RASSF6: variants seen among roughly 807,000 people sequenced by gnomAD.
The protein encoded by RASSF6 is ras association domain-containing protein 6.
A neutral mutation model predicts 44.0 loss-of-function variants in RASSF6; 52 were observed. The observed-to-expected ratio is 1.18, with a 90% confidence interval of 0.95 to 1.49. The LOEUF is 1.49. RASSF6 is among the 40% of genes most tolerant of loss of function. The pLI is 0.00. For synonymous variants in RASSF6, 162 were observed against 124.6 expected (o/e 1.30, Z -2.00); for missense variants, 464 against 393.3 (o/e 1.18, Z -1.52).
At chr4:73,616,427 T>G (rs1490104840) in intron 1 of RASSF6, among the ~76,000 whole-genome samples, 1 of 152,154 alleles carries the variant, frequency 6.6e-6, no homozygotes. Flanking sequence ...ACTAGGTCCT[T>G]TAGGACAGAA....
chr4:73,587,730 G>T, intron 5 of RASSF6, 110 bp downstream of exon 5: 1 of 565,958 alleles, frequency 1.8e-6, no homozygotes, highest in Non-Finnish European at 3.1e-6. Context: ...TAAAACAAGA[G>T]TTTATTGTGT....
At chr4:73,591,753 T>C (rs1322173551) in intron 4 of RASSF6, among the ~76,000 whole-genome samples, 1 of 151,966 alleles carries the variant, frequency 6.6e-6, no homozygotes, top group Non-Finnish European at 1.5e-5. Context: ...GACTAAGTAG[T>C]GACAACAAAG....
chr4:73,611,625 A>T, intron 2 of RASSF6, 106 bp downstream of exon 2: 1 of 635,134 alleles, frequency 1.6e-6, no homozygotes, highest in South Asian at 2.5e-5. Flanking sequence ...CTGATGATTC[A>T]TATTATTGAT....
chr4:73,586,622 A>T (rs1269041028), intron 5 of RASSF6, among the ~76,000 whole-genome samples: 1 of 151,972 alleles, frequency 6.6e-6, no homozygotes, highest in East Asian at 1.9e-4. Context: ...ATTTTAAAAA[A>T]TTTTCTACTG....
Position 73,576,460 on chromosome 4 carries a change from A to C in RASSF6, c.888T>G (p.Leu296=), listed in dbSNP as rs777890253. 1.3e-6 allele frequency: 2 copies of C among 1,585,804 alleles called. No homozygotes were observed. Among genetic ancestry groups the C allele is most frequent in the Non-Finnish European group, 1.7e-6 (2 of 1,163,526 alleles). Residue 296 remains leucine (L), a synonymous_variant, in exon 10 of 11, where the codon CTT becomes CTG. Transcript: ENST00000307439. ...NFHFSLLESI[L]QRLNEEEKRE... ...TTTTCTCTTCTTCATTTAATCTTTGAAGAATGGATTCCAAGAGAGAAAAGT... is the reference window on the plus strand; with the variant it reads ...TTTTCTCTTCTTCATTTAATCTTTGCAGAATGGATTCCAAGAGAGAAAAGT...
At chr4:73,581,909 T>G in intron 7 of RASSF6, 41 bp from the exon 8 acceptor site, 2 of 1,509,268 alleles carry the variant, frequency 1.3e-6, no homozygotes, top group African/African-American at 1.4e-5. Flanking sequence ...TTCTTTGTTG[T>G]TATATGATGT....
intron 3 of RASSF6, among the ~76,000 whole-genome samples, chr4:73,596,636 A>G (rs1250874306): frequency 6.6e-6 from 1 of 152,242 alleles, no homozygotes; most frequent in African/African-American, 2.4e-5. Context: ...TTTAAAATTC[A>G]TATGAATCCA....
intron 2 of RASSF6, among the ~76,000 whole-genome samples, chr4:73,608,609 C>A (rs1725806529): frequency 6.6e-6 from 1 of 152,166 alleles, no homozygotes; most frequent in Admixed American, 6.5e-5. Flanking sequence ...AAAGTAGATG[C>A]TCCTAAATAT....
At chr4:73,599,368 CCG>C (rs1725137398) in intron 2 of RASSF6, among the ~76,000 whole-genome samples, 1 of 152,192 alleles carries the variant, frequency 6.6e-6, no homozygotes, top group South Asian at 2.1e-4. Flanking sequence ...CTGACAATGG[CCG>C]ACTTTGGCCA....
At chr4:73,583,528 T>C (rs982035377) in intron 6 of RASSF6, among the ~76,000 whole-genome samples, 1 of 152,110 alleles carries the variant, frequency 6.6e-6, no homozygotes, top group Non-Finnish European at 1.5e-5. Flanking sequence ...AGGGGCTTCA[T>C]AGTATAAAAA....
chr4:73,598,629 A>C lies in RASSF6; in HGVS notation c.144+11T>G. ...GAATAACACCGGATTGCCTTTCTTCAGTGGGCTTACCTCTCCATATAAAAT... is the reference window on the plus strand; with the variant it reads ...GAATAACACCGGATTGCCTTTCTTCCGTGGGCTTACCTCTCCATATAAAAT... On this transcript the variant is annotated intron_variant, in intron 3 of 10. Transcript: ENST00000307439. 1 of 1,463,620 alleles carries C rather than the reference A, an allele frequency of 6.8e-7. No individual in the cohort carries two copies. Among genetic ancestry groups the C allele is most frequent in the Non-Finnish European group, 9.4e-7 (1 of 1,060,288 alleles). 90.7% of individuals were successfully genotyped at this position (1,463,620 alleles called of 1,614,324 possible).
At chr4:73,586,549 T>A (rs1401607377) in intron 5 of RASSF6, among the ~76,000 whole-genome samples, 1 of 151,982 alleles carries the variant, frequency 6.6e-6, no homozygotes, top group Non-Finnish European at 1.5e-5. Flanking sequence ...TTTCCTCTCC[T>A]ATGCATATTC....
At chr4:73,616,769 C>T (rs755722358) in intron 1 of RASSF6, among the ~76,000 whole-genome samples, 4 of 152,096 alleles carry the variant, frequency 2.6e-5, no homozygotes, top group African/African-American at 7.2e-5. Flanking sequence ...GCTGTACACA[C>T]GGAGAGTCTT....
In RASSF6 at chr4:73,576,681, G is replaced by C. The variant is rs146894207; in HGVS notation, c.772C>G (p.Gln258Glu). ...TDIPLLQRLL[Q>E]GPSEKNARIF... The stretch of plus-strand genomic sequence containing the variant: ...CGAGCATTCTTTTCAGAAGGTCCCT[G>C]TAGGAGCCTCTGCAGTAGCGGAATG... The change falls in exon 9 of 11, where the codon CAG becomes GAG. Residue 258 changes from glutamine to glutamate, a missense_variant. Coordinates refer to ENST00000307439, the MANE Select transcript of RASSF6 (RefSeq NM_177532.5). 5.4e-5 allele frequency: 87 copies of C among 1,613,570 alleles called. No homozygotes were observed. The highest frequency in any genetic ancestry group is 7.4e-5 in the Non-Finnish European group (87 of 1,179,704).
intron 1 of RASSF6, 97 bp from the exon 2 acceptor site, chr4:73,611,926 A>G (rs925013316): frequency 1.0e-5 from 8 of 782,416 alleles, no homozygotes; most frequent in Admixed American, 2.4e-5. Flanking sequence ...TCTAGAGTAT[A>G]AGAAGGTTTT....
At chr4:73,611,917 CTAGAG>C (rs1187891356) in intron 1 of RASSF6, 88 bp from the exon 2 acceptor site, 8 of 877,798 alleles carry the variant, frequency 9.1e-6, no homozygotes, top group East Asian at 5.2e-5. Context: ...TGTTGTGTCT[CTAGAG>C]TATAAGAAGG....
intron 6 of RASSF6, among the ~76,000 whole-genome samples, chr4:73,583,212 T>G (rs1723807224): frequency 1.3e-5 from 2 of 152,152 alleles, no homozygotes; most frequent in Admixed American, 1.3e-4. Flanking sequence ...ACATCTTTAT[T>G]GACTCACTTA....
Position 73,611,787 on chromosome 4 carries a change from C to G in RASSF6, c.9G>C (p.Met3Ile). Reference protein sequence around the residue: MTMMAHQYPSWIF... With the variant: MTIMAHQYPSWIF... Reference sequence around the variant, plus strand: ...TCCAAGAGGGGTACTGGTGAGCCATCATAGTCATCTTTTCCTCCTTTTTGA... The same window carrying G: ...TCCAAGAGGGGTACTGGTGAGCCATGATAGTCATCTTTTCCTCCTTTTTGA... The change falls in exon 2 of 11, where the codon ATG (methionine) becomes ATC (isoleucine). Residue 3 changes from methionine to isoleucine, a missense_variant. Physicochemically the swap from Met to Ile is conservative, Grantham distance 10 (BLOSUM62 1). Coordinates refer to ENST00000307439, the MANE Select transcript of RASSF6 (RefSeq NM_177532.5). 2.5e-6 allele frequency: 4 copies of G among 1,611,402 alleles called. No homozygotes were observed. The highest frequency in any genetic ancestry group is 3.4e-6 in the Non-Finnish European group (4 of 1,178,062).
At chr4:73,617,852 T>A (rs1227690637) in intron 1 of RASSF6, among the ~76,000 whole-genome samples, 1 of 152,200 alleles carries the variant, frequency 6.6e-6, no homozygotes, top group Non-Finnish European at 1.5e-5. Context: ...TCTCAGAGGT[T>A]TTGTTTTCAA....
Sources: gnomAD v4.1 joint callset for allele counts (sites outside exome capture counted in the v4.1 genomes callset) on GRCh38, gnomAD v4.1.1 for gene constraint, MANE v1.5 for transcripts, NCBI Gene and HGNC (gene_info 2026-07-23, HGNC 2026-07-21) for gene names.